RGS12: variants seen among roughly 807,000 people sequenced by gnomAD.
RGS12 encodes the protein regulator of G protein signaling 12.
Under a neutral mutation model 120.1 loss-of-function variants are expected in RGS12, and 66 were observed. The observed-to-expected ratio is 0.55, with a 90% CI of 0.45 to 0.67. The LOEUF is 0.67. Among genes scored for constraint, RGS12 ranks in the 30% least tolerant of loss-of-function variants. The probability of loss-of-function intolerance (pLI) is 0.00; values close to 1 mark genes in which losing one functional copy is unlikely to be tolerated. For missense variants in RGS12, 1,859 were observed against 1,957.7 expected (o/e 0.95, Z 0.95); for synonymous variants, 827 against 804.7 (o/e 1.03, Z -0.47).
intron 1 of RGS12, among the ~76,000 whole-genome samples, chr4:3,296,672 C>T (rs1258792778): frequency 6.6e-6 from 1 of 152,220 alleles, no homozygotes; most frequent in Non-Finnish European, 1.5e-5. Flanking sequence ...TTCGAAATGA[C>T]TTCACTTTTC....
rs183574070 is a variant in RGS12, at chr4:3,374,954, G to T, written c.1999-11462G>T. Among the ~76,000 whole-genome samples the T allele has an allele frequency of 6.6e-6, 1 of 152,286 alleles. No homozygotes were observed. The highest frequency in any genetic ancestry group is 6.5e-5 in the Admixed American group (1 of 15,294). The stretch of plus-strand genomic sequence containing the variant: ...ATCTCAGGATGGCTCGCCACGTCAT[G>T]GGGGCTCAGCAGATGCTTTGCCAAG... On this transcript the variant is annotated intron_variant, in intron 3 of 17. Transcript: ENST00000336727. The surrounding 1 kb of genome is among the most constrained non-coding windows in gnomAD (Gnocchi z 6.3).
At chr4:3,310,068 G>A (rs57793227) in intron 1 of RGS12, among the ~76,000 whole-genome samples, 327 of 110,208 alleles carry the variant, frequency 3.0e-3, no homozygotes, top group African/African-American at 9.8e-3. Flanking sequence ...AACCGTGTGG[G>A]GGAGGAGCTG....
intron 1 of RGS12, among the ~76,000 whole-genome samples, chr4:3,308,478 C>T (rs568369509): frequency 2.6e-5 from 4 of 152,288 alleles, no homozygotes; most frequent in East Asian, 1.9e-4. Flanking sequence ...GCTAGCGATT[C>T]GTACTTATTT....
At chr4:3,403,795 C>T (rs902934946) in intron 4 of RGS12, among the ~76,000 whole-genome samples, 6 of 152,220 alleles carry the variant, frequency 3.9e-5, no homozygotes, top group African/African-American at 1.4e-4. Context: ...TAAGATTTCT[C>T]TGGGAAGAAA....
chr4:3,401,588 C>T (rs951994818), intron 4 of RGS12, among the ~76,000 whole-genome samples: 6 of 152,246 alleles, frequency 3.9e-5, no homozygotes, highest in African/African-American at 1.2e-4. Context: ...GTTTTTACTG[C>T]GGTTTTACAG....
At chr4:3,357,610 T>C (rs1715013450) in intron 3 of RGS12, among the ~76,000 whole-genome samples, 1 of 152,232 alleles carries the variant, frequency 6.6e-6, no homozygotes, top group Non-Finnish European at 1.5e-5. Flanking sequence ...GCACCATTTA[T>C]TGAAGAGATT....
chr4:3,315,786 CAG>C (rs1472697306), intron 1 of RGS12, among the ~76,000 whole-genome samples: 3 of 152,356 alleles, frequency 2.0e-5, no homozygotes, highest in South Asian at 4.1e-4. Context: ...TCCATCCAAA[CAG>C]GGTGTGGAAG....
intron 4 of RGS12, chr4:3,413,482 G>GAGC (rs962595005): frequency 1.3e-5 from 2 of 152,548 alleles, no homozygotes; most frequent in African/African-American, 4.8e-5. Flanking sequence ...CCCACATGCA[G>GAGC]AGCAGTGTGC....
chr4:3,380,335 T>C (rs969899197), intron 3 of RGS12, among the ~76,000 whole-genome samples: 1 of 152,242 alleles, frequency 6.6e-6, no homozygotes, highest in African/African-American at 2.4e-5. Context: ...CGGGTTGGCA[T>C]TGAGCGTCTG....
chr4:3,403,866 TAC>T (rs756146338), intron 4 of RGS12, among the ~76,000 whole-genome samples: 1 of 152,210 alleles, frequency 6.6e-6, no homozygotes, highest in East Asian at 1.9e-4. Flanking sequence ...ATGAAATAGA[TAC>T]TCTGAGACCC....
chr4:3,414,140 A>G lies in RGS12; in HGVS notation c.2089A>G (p.Ser697Gly). Residue 697 changes from serine (S) to glycine (G), a missense_variant, in exon 5 of 18, where the codon AGC becomes GGC. Physicochemically the swap from Ser to Gly is moderately conservative, Grantham distance 56 (BLOSUM62 0). Coordinates refer to ENST00000336727, the MANE Select transcript of RGS12 (RefSeq NM_001394154.1). ...CCTGAGCAGCAATGCCAGCCTCCCC[A>G]GCGTGCAGAGCTGCCGGCGCCTGCG... ...NSLSSNASLP[S>G]VQSCRRLRER... The G allele has an allele frequency of 6.4e-7, 1 of 1,567,586 alleles. No homozygotes were observed. The highest frequency in any genetic ancestry group is 8.6e-7 in the Non-Finnish European group (1 of 1,162,908).
At chr4:3,405,102 G>T (rs1720968372) in intron 4 of RGS12, among the ~76,000 whole-genome samples, 1 of 152,230 alleles carries the variant, frequency 6.6e-6, no homozygotes, top group African/African-American at 2.4e-5. Flanking sequence ...GTAACAGGAG[G>T]GGGGCTCTTA....
In RGS12 at chr4:3,386,457, G is replaced by C; in HGVS notation, c.2020+20G>C. ...ATGGCGGTAAGTCACAATTTCTGAT[G>C]TATATATTTTTTATTTTTCATAAAG... is the stretch of plus-strand genomic sequence containing the variant. On this transcript the variant is annotated intron_variant, in intron 4 of 17. Coordinates refer to ENST00000336727, the MANE Select transcript of RGS12 (RefSeq NM_001394154.1). 2 of 1,596,528 alleles carry C rather than the reference G, an allele frequency of 1.3e-6. No homozygotes were observed. The highest frequency in any genetic ancestry group is 1.7e-6 in the Non-Finnish European group (2 of 1,165,938).
At chr4:3,301,970 C>T (rs1723709841) in intron 1 of RGS12, among the ~76,000 whole-genome samples, 1 of 148,110 alleles carries the variant, frequency 6.8e-6, no homozygotes, top group South Asian at 2.2e-4. Context: ...ATCTGAGATT[C>T]ACATTTAACT....
At chr4:3,406,265 G>A (rs1350766558) in intron 4 of RGS12, among the ~76,000 whole-genome samples, 2 of 152,368 alleles carry the variant, frequency 1.3e-5, no homozygotes, top group South Asian at 2.1e-4. Flanking sequence ...GTGAATGGGG[G>A]AGAAGGGCTT....
chr4:3,397,629 G>T (rs561481704), intron 4 of RGS12, among the ~76,000 whole-genome samples: 69 of 152,294 alleles, frequency 4.5e-4, no homozygotes, highest in African/African-American at 1.5e-3. Context: ...GAGCAGATAG[G>T]GGGGTGATAA....
In RGS12 at chr4:3,316,465, G is replaced by A. The variant is rs751346796; in HGVS notation, c.295G>A (p.Val99Ile). ...CCTTCACATGGTGATTGCTGAAGGC[G>A]TCGGCCGCTTCGAATCCTGTTCCAG... ...GVLHMVIAEG[V>I]GRFESCSSDE... Residue 99 changes from valine to isoleucine, a missense_variant, in exon 2 of 18, where the codon GTC becomes ATC. By Grantham distance (29) the Val-to-Ile change is conservative (BLOSUM62 3). Coordinates refer to ENST00000336727, the MANE Select transcript of RGS12 (RefSeq NM_001394154.1). 5.5e-5 allele frequency: 89 copies of A among 1,614,046 alleles called. 1 individual carries two copies. Among genetic ancestry groups the A allele is most frequent in the Admixed American group, 2.5e-4 (15 of 60,002 alleles).
chr4:3,374,067 G>A lies in RGS12; in HGVS notation c.1999-12349G>A, dbSNP rs892883294. On this transcript the variant is annotated intron_variant, in intron 3 of 17. Coordinates refer to ENST00000336727, the MANE Select transcript of RGS12 (RefSeq NM_001394154.1). This position sits in a 1 kb window ranked among gnomAD's most constrained non-coding sequence, Gnocchi z 6.3. ...GAAGGCAGCGAGCCCGCTTGGCGAG[G>A]CCCTTGAGCACTCAGCACCTTCTCC... Among the ~76,000 whole-genome samples the A allele has an allele frequency of 2.6e-5, 4 of 152,302 alleles. No individual in the cohort carries two copies. In the East Asian group the frequency reaches 5.8e-4, roughly 22 times the overall value.
intron 2 of RGS12, among the ~76,000 whole-genome samples, chr4:3,341,248 GGACA>G (rs1713073584): frequency 2.6e-5 from 1 of 38,556 alleles, no homozygotes; most frequent in Non-Finnish European, 5.1e-5. Flanking sequence ...GGTGGGGAGG[GGACA>G]AGGGTGGAGA....
Sources: allele counts gnomAD v4.1 joint callset (sites outside exome capture counted in the v4.1 genomes callset), GRCh38; gene constraint gnomAD v4.1.1; non-coding constraint Gnocchi (gnomAD v3.1); transcripts MANE v1.5; gene names NCBI Gene and HGNC (gene_info 2026-07-23, HGNC 2026-07-21).